Variants in GGACT observed in about 807,000 individuals in gnomAD.
GGACT encodes the protein gamma-glutamylamine cyclotransferase, also known as gamma-glutamylaminecyclotransferase.
For missense variants in GGACT, 241 were observed against 233.2 expected, an observed-to-expected ratio of 1.03 and a Z score of -0.22; for synonymous variants, 118 against 115.3, an observed-to-expected ratio of 1.02 and a Z score of -0.15.
rs183442395 is a variant in GGACT at position 100,532,205 on chromosome 13, G to A, written c.387C>T (p.Ala129=). ...YSRATFPPEW[A]QLPHHDSYDS... Reference sequence around the variant, plus strand: ...CGTAGCTGTCATGGTGCGGGAGCTGGGCCCACTCCGGCGGGAAGGTGGCCC... The same window carrying A: ...CGTAGCTGTCATGGTGCGGGAGCTGAGCCCACTCCGGCGGGAAGGTGGCCC... The change falls in exon 3 of 3, where the codon GCC becomes GCT. Residue 129 remains alanine, a synonymous_variant. Coordinates refer to ENST00000683975, the MANE Select transcript of GGACT (RefSeq NM_001195087.2). 5.5e-5 allele frequency: 81 copies of A among 1,479,596 alleles called. No individual in the cohort carries two copies. In the East Asian group the frequency reaches 1.9e-3, roughly 36 times the overall value. 91.7% of individuals were successfully genotyped at this position (1,479,596 alleles called of 1,614,324 possible).
At chr13:100,558,276 G>C (rs1388695884) in intron 2 of GGACT, among the ~76,000 whole-genome samples, 2 of 151,166 alleles carry the variant, frequency 1.3e-5, no homozygotes, top group African/African-American at 4.9e-5. Context: ...CCAGGAGTTA[G>C]AGACCAGCCT....
intron 2 of GGACT, chr13:100,536,925 C>G (rs766512634): frequency 1.3e-5 from 2 of 152,630 alleles, no homozygotes; most frequent in Non-Finnish European, 2.9e-5. Context: ...ACACTCCCAG[C>G]CTTTCCGTGT....
At position 100,530,527 on chromosome 13, in the gene GGACT, A is replaced by G; in HGVS notation, c.*1603T>C. ...ACCAGCATTTCTTTGTGATCCTTTT[A>G]AGAGATTGATATAAATGTCAGTCAG... On this transcript the variant is annotated 3_prime_UTR_variant, in exon 3 of 3. Transcript: ENST00000683975. 2.7e-6 allele frequency: 1 copy of G among 374,020 alleles called. No homozygotes were observed. Among genetic ancestry groups the G allele is most frequent in the Admixed American group, 4.0e-5 (1 of 24,886 alleles). The allele number at this position is 374,020 out of a possible 1,614,324, so 23.2% of individuals were successfully genotyped here.
At chr13:100,548,120 T>G (rs1208713734) in intron 2 of GGACT, among the ~76,000 whole-genome samples, 1 of 152,202 alleles carries the variant, frequency 6.6e-6, no homozygotes, top group Non-Finnish European at 1.5e-5. Flanking sequence ...CTCGTCTACC[T>G]TGTGTGCTCC....
At chr13:100,551,587 A>G (rs948469518) in intron 2 of GGACT, among the ~76,000 whole-genome samples, 5 of 152,130 alleles carry the variant, frequency 3.3e-5, no homozygotes, top group Non-Finnish European at 7.4e-5. Flanking sequence ...AAGCACCTTA[A>G]AAGTGTTCAA....
intron 2 of GGACT, among the ~76,000 whole-genome samples, chr13:100,567,748 AACAC>A (rs1200553877): frequency 6.6e-6 from 1 of 152,180 alleles, no homozygotes; most frequent in Non-Finnish European, 1.5e-5. Context: ...AATTCACACA[AACAC>A]ACACAACCCA....
intron 2 of GGACT, among the ~76,000 whole-genome samples, chr13:100,565,848 C>G (rs902817073): frequency 1.3e-5 from 2 of 152,176 alleles, no homozygotes; most frequent in African/African-American, 4.8e-5. Context: ...TCCTGCCCCT[C>G]CAAGCATGGG....
intron 2 of GGACT, among the ~76,000 whole-genome samples, chr13:100,555,267 G>T (rs2088700620): frequency 2.6e-5 from 4 of 152,220 alleles, no homozygotes; most frequent in Admixed American, 2.6e-4. Context: ...ACTCATGCCT[G>T]TAATCCCAGC....
At chr13:100,546,591 G>A (rs1447741863) in intron 2 of GGACT, among the ~76,000 whole-genome samples, 2 of 152,158 alleles carry the variant, frequency 1.3e-5, no homozygotes, top group East Asian at 3.9e-4. Flanking sequence ...TGGGGGGATC[G>A]CTTGAGCCCA....
intron 2 of GGACT, among the ~76,000 whole-genome samples, chr13:100,581,356 G>C (rs1875411158): frequency 1.3e-5 from 2 of 152,174 alleles, no homozygotes; most frequent in Admixed American, 1.3e-4. Flanking sequence ...GGAAAGCAAG[G>C]AAGTGCTCAA....
chr13:100,585,018 T>C (rs1875525719), intron 1 of GGACT, among the ~76,000 whole-genome samples: 1 of 152,190 alleles, frequency 6.6e-6, no homozygotes, highest in South Asian at 2.1e-4. Context: ...ACTTCTGAAG[T>C]AGACTTGCCA....
chr13:100,549,600 C>T (rs570259168), intron 2 of GGACT, among the ~76,000 whole-genome samples: 4 of 152,258 alleles, frequency 2.6e-5, no homozygotes, highest in African/African-American at 7.2e-5. Context: ...AGCCAGACTC[C>T]GCCTCCAGTG....
At chr13:100,543,155 C>G (rs1364947209) in intron 2 of GGACT, among the ~76,000 whole-genome samples, 1 of 135,430 alleles carries the variant, frequency 7.4e-6, no homozygotes, top group Non-Finnish European at 1.6e-5. Flanking sequence ...GTGTTTAACT[C>G]TTCTTAAACT....
In GGACT at chr13:100,540,044, C is replaced by T. The variant is rs1208358662; in HGVS notation, c.-10-7443G>A. On this transcript the variant is annotated intron_variant, in intron 2 of 2. Transcript: ENST00000683975. ...CAACTCACACAGTAATGTAGCTTCA[C>T]ATACAGCTTGGGAAGCACATAGGCA... 14 of 1,288,736 alleles carry T rather than the reference C, an allele frequency of 1.1e-5. No individual in the cohort carries two copies. In the East Asian group the frequency reaches 3.0e-4, roughly 28 times the overall value. The allele number at this position is 1,288,736 out of a possible 1,614,324, so 79.8% of individuals were successfully genotyped here. A position where few individuals can be genotyped will look rare whatever the true frequency, so the allele number is the denominator to read the frequency against.
intron 2 of GGACT, among the ~76,000 whole-genome samples, chr13:100,548,241 C>T (rs1214635274): frequency 1.3e-5 from 2 of 152,196 alleles, no homozygotes; most frequent in Non-Finnish European, 2.9e-5. Context: ...TCATTTGGAA[C>T]CTTTGGGCTA....
At chr13:100,541,862 C>T (rs2088557583) in intron 2 of GGACT, 1 of 152,188 alleles carries the variant, frequency 6.6e-6, no homozygotes, top group Non-Finnish European at 1.5e-5. Context: ...GAATGACCAA[C>T]TAAAATTTTC....
intron 2 of GGACT, among the ~76,000 whole-genome samples, chr13:100,574,875 A>AT (rs1383514644): frequency 6.6e-6 from 1 of 151,992 alleles, no homozygotes; most frequent in Admixed American, 6.6e-5. Context: ...ACTTATGTGT[A>AT]TTAAAAAAAA....
chr13:100,533,208 G>A (rs570516210), intron 2 of GGACT: 2 of 157,750 alleles, frequency 1.3e-5, no homozygotes, highest in South Asian at 3.9e-4. Flanking sequence ...GCCCTGTCCA[G>A]GCCCTAGTAT....
intron 2 of GGACT, among the ~76,000 whole-genome samples, chr13:100,555,030 T>C (rs906144330): frequency 2.0e-5 from 3 of 152,256 alleles, no homozygotes; most frequent in Non-Finnish European, 2.9e-5. Flanking sequence ...CAAAGCCCTG[T>C]ATCTACTCAC....
Sources: allele counts gnomAD v4.1 joint callset (sites outside exome capture counted in the v4.1 genomes callset), GRCh38; gene constraint gnomAD v4.1.1; transcripts MANE v1.5; gene names NCBI Gene and HGNC (gene_info 2026-07-23, HGNC 2026-07-21).